The following CBLC variants were observed in gnomAD, a reference collection of about 807,000 sequenced individuals.
The protein encoded by CBLC is E3 ubiquitin-protein ligase CBL-C.
Under a neutral mutation model 58.6 loss-of-function variants are expected in CBLC, and 46 were observed. That is an observed-to-expected ratio of 0.79 (90% CI 0.62 to 1.00). The LOEUF is 1.00. Among genes scored for constraint, CBLC ranks in the 50% least tolerant of loss-of-function variants. The pLI, the probability that CBLC is intolerant of heterozygous loss-of-function variation, is 0.00. For synonymous variants in CBLC, 271 were observed against 264.2 expected (o/e 1.03, Z -0.25); for missense variants, 655 against 625.8 (o/e 1.05, Z -0.50).
At chr19:44,782,601 C>A in intron 4 of CBLC, 110 bp downstream of exon 4, 1 of 830,952 alleles carries the variant, frequency 1.2e-6, no homozygotes, top group Non-Finnish European at 1.9e-6. Context: ...AACAGAGGTA[C>A]CCAGGACCCC....
intron 5 of CBLC, among the ~76,000 whole-genome samples, chr19:44,789,245 G>C (rs1262247302): frequency 6.6e-6 from 1 of 152,156 alleles, no homozygotes; most frequent in Middle Eastern, 3.2e-3. Flanking sequence ...TTGGGTCACT[G>C]TCTGTGAGGG....
At chr19:44,784,962 T>TG (rs1568558691) in intron 5 of CBLC, among the ~76,000 whole-genome samples, 18 of 105,952 alleles carry the variant, frequency 1.7e-4, no homozygotes, top group Non-Finnish European at 3.2e-4. Context: ...TTTTTTTTTT[T>TG]TTTTTTTTTT....
chr19:44,789,572 G>C lies in CBLC; in HGVS notation c.918-432G>C, dbSNP rs145878766. On this transcript the variant is annotated intron_variant, in intron 5 of 10. Coordinates refer to ENST00000647358, the MANE Select transcript of CBLC (RefSeq NM_012116.4). The stretch of plus-strand genomic sequence containing the variant: ...CGCCCAGCTAATTTTTATATTTTCA[G>C]TAGAGACGGGGTTCCACCATGTTAG... Among the ~76,000 whole-genome samples, 871 of 152,170 alleles carry C rather than the reference G, an allele frequency of 5.7e-3. 13 individuals carry two copies. Among genetic ancestry groups the C allele is most frequent in the African/African-American group, 0.02 (839 of 41,510 alleles).
At position 44,794,209 on chromosome 19, in the gene CBLC, C is replaced by G; in HGVS notation, c.1290C>G (p.Pro430=). 6.2e-7 allele frequency: 1 copy of G among 1,610,652 alleles called. No individual in the cohort carries two copies. The change falls in exon 9 of 11, where the codon CCC becomes CCG. Residue 430 remains proline (P), a synonymous_variant. Transcript: ENST00000647358. ...CTTCCTCTGTCCCACCCCAGGTGCCCCTTTCGGCTCCTCCATTGCCCCCAC... is the reference window on the plus strand; with the variant it reads ...CTTCCTCTGTCCCACCCCAGGTGCCGCTTTCGGCTCCTCCATTGCCCCCAC... ...EGRELELGQV[P]LSAPPLPPRP...
chr19:44,782,882 G>A (rs1043170844), intron 4 of CBLC, among the ~76,000 whole-genome samples: 2 of 152,098 alleles, frequency 1.3e-5, no homozygotes, highest in Non-Finnish European at 2.9e-5. Context: ...ATTTCAACCA[G>A]GAGTTTTGAG....
Position 44,781,432 on chromosome 19 carries a change from C to G in CBLC, c.657+69C>G, listed in dbSNP as rs183370898. On this transcript the variant is annotated intron_variant, in intron 3 of 10. Coordinates refer to ENST00000647358, the MANE Select transcript of CBLC (RefSeq NM_012116.4). ...GAAGTAGAGGGCTGAATCCTGGATT[C>G]CTGGGTCTGAGGGAGGAAGGGCCGG... 6 of 1,498,336 alleles carry G rather than the reference C, an allele frequency of 4.0e-6. No homozygotes were observed. In the East Asian group the frequency reaches 1.4e-4, roughly 34 times the overall value. The allele number at this position is 1,498,336 out of a possible 1,614,324, so 92.8% of individuals were successfully genotyped here. A position where few individuals can be genotyped will look rare whatever the true frequency, so the allele number is the denominator to read the frequency against.
At chr19:44,791,640 C>T (rs1393108029) in intron 6 of CBLC, among the ~76,000 whole-genome samples, 1 of 148,516 alleles carries the variant, frequency 6.7e-6, no homozygotes, top group African/African-American at 2.5e-5. Context: ...GGCTGAGGCA[C>T]AAGAATCGCT....
Position 44,799,645 on chromosome 19 carries a change from T to TTTG in CBLC, c.1363-715_1363-713dup, listed in dbSNP as rs372861692. On this transcript the variant is annotated intron_variant, in intron 9 of 10. Coordinates refer to ENST00000647358, the MANE Select transcript of CBLC (RefSeq NM_012116.4). ...CCGCGCGTGGCCCCTGTTTTTTCGG[T>TTTG]TTGTTGTTGTTGTTGTTGTTGTTTT... 7.5e-3 allele frequency among the ~76,000 whole-genome samples: 1,135 copies of TTTG among 150,790 alleles called. 19 individuals are homozygous for TTTG. Among genetic ancestry groups the TTTG allele is most frequent in the African/African-American group, 0.025 (1,034 of 40,956 alleles).
chr19:44,799,986 G>A lies in CBLC; in HGVS notation c.1363-395G>A, dbSNP rs543244992. 5.9e-5 allele frequency among the ~76,000 whole-genome samples: 9 copies of A among 152,218 alleles called. No homozygotes were observed. The East Asian group carries it at 1.4e-3, about 23-fold the overall frequency. On this transcript the variant is annotated intron_variant, in intron 9 of 10. Transcript: ENST00000647358. ...AGGGTGGACACATGGATGGACAGGC[G>A]GACAGACAAACTGAAACTTCATCCT...
Position 44,781,290 on chromosome 19 carries a change from GCA to G in CBLC, c.586_587del (p.Thr196HisfsTer3). ...CCAGGCTGCACAGCCCTGGCCTTGC[GCA>G]CCACCATTGACCTCACCTGCAGCGG... On this transcript the variant is annotated frameshift_variant, in exon 3 of 11. Coordinates refer to ENST00000647358, the MANE Select transcript of CBLC (RefSeq NM_012116.4). LOFTEE classifies it high-confidence loss of function. 6.2e-7 allele frequency: 1 copy of G among 1,613,566 alleles called. No individual in the cohort carries two copies. The highest frequency in any genetic ancestry group is 1.3e-5 in the African/African-American group (1 of 75,032).
chr19:44,793,273 C>G (rs969601495), intron 7 of CBLC, among the ~76,000 whole-genome samples: 4 of 152,178 alleles, frequency 2.6e-5, no homozygotes, highest in Non-Finnish European at 4.4e-5. Context: ...GACCTCGGCT[C>G]TGGTTCCGTT....
At chr19:44,795,845 G>A (rs1251362667) in intron 9 of CBLC, among the ~76,000 whole-genome samples, 23 of 152,186 alleles carry the variant, frequency 1.5e-4, no homozygotes, top group East Asian at 1.9e-4. Context: ...ACACATACAC[G>A]TCATAGGTGC....
In CBLC at chr19:44,792,411, A is replaced by G; in HGVS notation, c.1034A>G (p.Asp345Gly). ...EEQLQLYWAM[D>G]STFELCKICA... is the part of the protein sequence containing the mutation. The stretch of plus-strand genomic sequence containing the variant: ...CAGCTGCAGCTCTACTGGGCCATGG[A>G]CTCCACATTTGAGCTCTGCAAGATC... Residue 345 changes from aspartate (D) to glycine (G), a missense_variant, in exon 7 of 11, where the codon GAC becomes GGC. Coordinates refer to ENST00000647358, the MANE Select transcript of CBLC (RefSeq NM_012116.4). 1 of 1,613,404 alleles carries G rather than the reference A, an allele frequency of 6.2e-7. No individual in the cohort carries two copies. Among genetic ancestry groups the G allele is most frequent in the South Asian group, 1.1e-5 (1 of 91,068 alleles).
intron 1 of CBLC, 144 bp from the exon 2 acceptor site, chr19:44,780,761 C>T: frequency 1.2e-6 from 1 of 844,790 alleles, no homozygotes; most frequent in Non-Finnish European, 1.8e-6. Context: ...GCGTGAGCCA[C>T]CACGCCCAGC....
intron 8 of CBLC, 123 bp downstream of exon 8, chr19:44,793,743 G>A: frequency 1.1e-6 from 1 of 947,362 alleles, no homozygotes; most frequent in Non-Finnish European, 1.6e-6. Flanking sequence ...GGGTCTGAGG[G>A]AAGAGGGGTT....
chr19:44,792,147 C>T (rs1968068306), intron 6 of CBLC, among the ~76,000 whole-genome samples: 1 of 151,980 alleles, frequency 6.6e-6, no homozygotes, highest in East Asian at 1.9e-4. Flanking sequence ...GCATGCACCA[C>T]CATGCCCAGC....
intron 4 of CBLC, 141 bp from the exon 5 acceptor site, chr19:44,784,123 C>G: frequency 1.5e-6 from 1 of 677,920 alleles, no homozygotes; most frequent in Non-Finnish European, 2.4e-6. Flanking sequence ...AGGGGTCTAG[C>G]ACATGCCGTT....
rs553276640 is a variant in CBLC at position 44,781,219 on chromosome 19, C to T, written c.513C>T (p.Pro171=). Reference sequence around the variant, plus strand: ...CTCTCCCACCCAGGTGTGTGCTGCCCTGGGCTGAGTTTGAGTCCCTCCTGG... The same window carrying T: ...CTCTCCCACCCAGGTGTGTGCTGCCTTGGGCTGAGTTTGAGTCCCTCCTGG... ...RESCGARCVL[P]WAEFESLLGT... Residue 171 remains proline (P), a synonymous_variant, in exon 3 of 11, where the codon CCC becomes CCT. Transcript: ENST00000647358. 2 of 1,612,812 alleles carry T rather than the reference C, an allele frequency of 1.2e-6. No homozygotes were observed. The highest frequency in any genetic ancestry group is 3.3e-5 in the Admixed American group (2 of 59,938).
At chr19:44,786,615 AAG>A (rs1967916385) in intron 5 of CBLC, among the ~76,000 whole-genome samples, 1 of 152,034 alleles carries the variant, frequency 6.6e-6, no homozygotes. Context: ...AAAAGAAAAA[AAG>A]AAAAAAAAAT....
Sources: allele counts gnomAD v4.1 joint callset (sites outside exome capture counted in the v4.1 genomes callset), GRCh38; gene constraint gnomAD v4.1.1; transcripts MANE v1.5; gene names NCBI Gene and HGNC (gene_info 2026-07-23, HGNC 2026-07-21).